REEP1: variants seen among roughly 807,000 people sequenced by gnomAD.
REEP1 encodes receptor accessory protein 1, also known as receptor expression-enhancing protein 1.
Under a neutral mutation model 40.3 loss-of-function variants are expected in REEP1, and 22 were observed. That is an observed-to-expected ratio of 0.55 (90% CI 0.39 to 0.78). The LOEUF is 0.78. Among genes scored for constraint, REEP1 ranks in the 30% least tolerant of loss-of-function variants. REEP1 has a pLI of 0.00. For missense variants in REEP1, 280 were observed against 361.1 expected, an observed-to-expected ratio of 0.78 and a Z score of 1.82; for synonymous variants, 116 against 139.2, an observed-to-expected ratio of 0.83 and a Z score of 1.17.
intron 2 of REEP1, among the ~76,000 whole-genome samples, chr2:86,265,024 CAG>C (rs1414179519): frequency 4.6e-5 from 7 of 152,158 alleles, no homozygotes; most frequent in Non-Finnish European, 8.8e-5. Flanking sequence ...AGAAAAATCT[CAG>C]AATTAGGGAA....
At chr2:86,286,258 G>A (rs1678392071) in intron 1 of REEP1, among the ~76,000 whole-genome samples, 1 of 152,188 alleles carries the variant, frequency 6.6e-6, no homozygotes, top group Admixed American at 6.5e-5. Flanking sequence ...GTTCCCCACT[G>A]GGGTGATCTC....
At chr2:86,303,253 G>A (rs1432634084) in intron 1 of REEP1, among the ~76,000 whole-genome samples, 2 of 114,282 alleles carry the variant, frequency 1.8e-5, no homozygotes, top group Non-Finnish European at 3.3e-5. Context: ...GTCTCGCTCT[G>A]TTGCCCAGGC....
At chr2:86,267,397 T>C (rs1306317973) in intron 2 of REEP1, among the ~76,000 whole-genome samples, 1 of 152,182 alleles carries the variant, frequency 6.6e-6, no homozygotes, top group Non-Finnish European at 1.5e-5. Context: ...GATTGTAAGT[T>C]CCCTGAGGCC....
intron 6 of REEP1, among the ~76,000 whole-genome samples, chr2:86,232,066 A>G (rs529802101): frequency 1.3e-5 from 2 of 152,340 alleles, no homozygotes; most frequent in African/African-American, 2.4e-5. Flanking sequence ...CCACAGGAAC[A>G]AGAACTCAGA....
intron 5 of REEP1, among the ~76,000 whole-genome samples, chr2:86,238,688 G>A (rs947154238): frequency 6.6e-6 from 1 of 152,200 alleles, no homozygotes; most frequent in South Asian, 2.1e-4. Flanking sequence ...AGTGTCAGAG[G>A]GCTGTGGGTG....
intron 1 of REEP1, among the ~76,000 whole-genome samples, chr2:86,291,726 T>C (rs949964943): frequency 2.6e-5 from 4 of 152,188 alleles, no homozygotes; most frequent in African/African-American, 9.7e-5. Flanking sequence ...CCAGGCCTCC[T>C]GTCTCCACGT....
rs1002377562 is a variant in REEP1 at position 86,216,820 on chromosome 2, C to T, written c.*219G>A. 10 of 543,596 alleles carry T rather than the reference C, an allele frequency of 1.8e-5. No homozygotes were observed. The highest frequency in any genetic ancestry group is 2.6e-5 in the Non-Finnish European group (8 of 302,058). 33.7% of individuals were successfully genotyped at this position (543,596 alleles called of 1,614,324 possible). On this transcript the variant is annotated 3_prime_UTR_variant, in exon 9 of 9. Transcript: ENST00000538924. ...CAGAAGACTTAAAGGTCACCACCCC[C>T]GCCCCTACTACCTTTCCCTTTAGCC...
chr2:86,260,705 A>G (rs1398608488), intron 3 of REEP1, among the ~76,000 whole-genome samples: 3 of 152,172 alleles, frequency 2.0e-5, no homozygotes, highest in East Asian at 3.8e-4. Context: ...CAGTCCTACA[A>G]TCATAAGGAA....
rs535919945 is a variant in REEP1 at position 86,270,346 on chromosome 2, G to A, written c.106-6305C>T. Among the ~76,000 whole-genome samples, 14 of 152,168 alleles carry A rather than the reference G, an allele frequency of 9.2e-5. No homozygotes were observed. The East Asian group carries it at 1.4e-3, about 15-fold the overall frequency. On this transcript the variant is annotated intron_variant, in intron 2 of 8. Coordinates refer to ENST00000538924, the MANE Select transcript of REEP1 (RefSeq NM_001371279.1). The stretch of plus-strand genomic sequence containing the variant: ...CGAGTAGCTGGGACTACAGGCATGC[G>A]CCACCACGCCTGGCTAATTTTGTAT...
chr2:86,333,218 C>T (rs920742108), intron 1 of REEP1, among the ~76,000 whole-genome samples: 6 of 152,116 alleles, frequency 3.9e-5, no homozygotes, highest in Non-Finnish European at 8.8e-5. Flanking sequence ...TAAGGATTTA[C>T]GATATTTTCT....
At chr2:86,289,802 T>C (rs544194820) in intron 1 of REEP1, among the ~76,000 whole-genome samples, 30 of 152,230 alleles carry the variant, frequency 2.0e-4, no homozygotes, top group African/African-American at 6.5e-4. Flanking sequence ...TTTGGTGGCA[T>C]TGTGGATTTT....
chr2:86,252,523 G>C (rs1381003855), intron 4 of REEP1, among the ~76,000 whole-genome samples: 2 of 152,132 alleles, frequency 1.3e-5, no homozygotes, highest in African/African-American at 4.8e-5. Flanking sequence ...TGAAAAACGA[G>C]GATAATGATA....
intron 7 of REEP1, among the ~76,000 whole-genome samples, chr2:86,226,670 A>G (rs944172848): frequency 6.8e-6 from 1 of 146,498 alleles, no homozygotes; most frequent in African/African-American, 2.6e-5. Flanking sequence ...AATTCTTGCT[A>G]TATTGCCCAG....
chr2:86,282,055 G>T, intron 2 of REEP1, 115 bp downstream of exon 2: 1 of 764,222 alleles, frequency 1.3e-6, no homozygotes, highest in Non-Finnish European at 2.4e-6. Context: ...TGTGATGAAG[G>T]AACTCCTTTT....
intron 1 of REEP1, among the ~76,000 whole-genome samples, chr2:86,330,508 G>A (rs944427378): frequency 2.6e-5 from 4 of 150,952 alleles, no homozygotes; most frequent in African/African-American, 9.7e-5. Context: ...GCAGTGGCAT[G>A]ATCTCGGCTC....
At chr2:86,225,689 C>T (rs747123686) in intron 7 of REEP1, among the ~76,000 whole-genome samples, 1 of 152,202 alleles carries the variant, frequency 6.6e-6, no homozygotes, top group Non-Finnish European at 1.5e-5. Context: ...TGCTCACTGC[C>T]GATGTGGGAG....
At chr2:86,293,105 T>C (rs56657747) in intron 1 of REEP1, among the ~76,000 whole-genome samples, 16,131 of 152,066 alleles carry the variant, frequency 0.11, 1,668 homozygotes, top group African/African-American at 0.26. Context: ...TTCATTTGTT[T>C]GTTCGTTCAT....
At chr2:86,307,274 C>CA (rs1339612232) in intron 1 of REEP1, among the ~76,000 whole-genome samples, 1 of 151,584 alleles carries the variant, frequency 6.6e-6, no homozygotes, top group African/African-American at 2.4e-5. Context: ...GAAAAGACCC[C>CA]AAAAAACAAA....
chr2:86,252,546 C>A (rs371807917), intron 4 of REEP1, among the ~76,000 whole-genome samples: 1 of 152,178 alleles, frequency 6.6e-6, no homozygotes, highest in Non-Finnish European at 1.5e-5. Context: ...ACCCAACTTG[C>A]GGAGCATGGT....
Sources: gnomAD v4.1 joint callset for allele counts (sites outside exome capture counted in the v4.1 genomes callset) on GRCh38, gnomAD v4.1.1 for gene constraint, MANE v1.5 for transcripts, NCBI Gene and HGNC (gene_info 2026-07-23, HGNC 2026-07-21) for gene names.